The following COL5A1 variants were observed in gnomAD, a reference collection of about 807,000 sequenced individuals.
COL5A1 encodes collagen type V alpha 1 chain.
Under a neutral mutation model 263.7 loss-of-function variants are expected in COL5A1, and 16 were observed. That is an observed-to-expected ratio of 0.06 (90% confidence interval 0.04 to 0.09). The LOEUF is 0.09. COL5A1 is among the 10% of genes least tolerant of loss of function. The pLI is 1.00. For synonymous variants in COL5A1, 1,012 were observed against 1,004.5 expected (o/e 1.01, Z -0.14); for missense variants, 2,036 against 2,540.5 (o/e 0.80, Z 4.27).
intron 59 of COL5A1, 80 bp from the exon 60 acceptor site, chr9:134,822,918 C>T: frequency 6.5e-7 from 1 of 1,542,580 alleles, no homozygotes; most frequent in Non-Finnish European, 8.9e-7. Flanking sequence ...GGGGCGAGAC[C>T]AGGCTGGGCA....
intron 27 of COL5A1, among the ~76,000 whole-genome samples, chr9:134,775,753 G>T (rs946321617): frequency 5.3e-5 from 8 of 152,248 alleles, no homozygotes; most frequent in African/African-American, 1.9e-4. Flanking sequence ...GAAGGAATAT[G>T]TGTGTATATA....
intron 64 of COL5A1, 77 bp downstream of exon 64, chr9:134,830,121 G>C: frequency 6.2e-7 from 1 of 1,612,620 alleles, no homozygotes. Context: ...AAAATGGCCC[G>C]CTGGCCCAAA....
intron 18 of COL5A1, among the ~76,000 whole-genome samples, chr9:134,759,709 CA>C (rs1836202715): frequency 1.1e-5 from 1 of 93,456 alleles, no homozygotes; most frequent in Non-Finnish European, 1.9e-5. Context: ...CACACATGCA[CA>C]CACCCCCCCA....
intron 30 of COL5A1, among the ~76,000 whole-genome samples, chr9:134,785,335 G>A (rs1363274229): frequency 2.0e-5 from 3 of 152,178 alleles, no homozygotes; most frequent in Non-Finnish European, 4.4e-5. Context: ...GCCTTGGAAG[G>A]CTCCTTCCTC....
At chr9:134,809,034 C>G in intron 42 of COL5A1, 149 bp from the exon 43 acceptor site, 2 of 746,560 alleles carry the variant, frequency 2.7e-6, no homozygotes, top group Admixed American at 2.0e-5. Context: ...CCTCAGTGGC[C>G]CTGGCTGAAA....
At chr9:134,751,527 G>A (rs907929642) in intron 13 of COL5A1, among the ~76,000 whole-genome samples, 6 of 152,206 alleles carry the variant, frequency 3.9e-5, no homozygotes, top group Non-Finnish European at 1.5e-5. Context: ...TCAGCCTGGG[G>A]GGTCCTAAGG....
chr9:134,774,724 T>G (rs1836990382), intron 26 of COL5A1, 135 bp from the exon 27 acceptor site: 1 of 889,996 alleles, frequency 1.1e-6, no homozygotes, highest in Admixed American at 2.0e-5. Context: ...ACGGGGGGCC[T>G]CTCTGGAGGC....
chr9:134,666,424 G>C (rs969190374), intron 1 of COL5A1, among the ~76,000 whole-genome samples: 12 of 152,224 alleles, frequency 7.9e-5, no homozygotes, highest in Non-Finnish European at 1.5e-4. Context: ...CCTCAGGCGA[G>C]TCTGTCCAGA....
chr9:134,818,428 G>A lies in COL5A1; in HGVS notation c.4231-228G>A, dbSNP rs77174824. Among the ~76,000 whole-genome samples the A allele has an allele frequency of 0.034, 5,173 of 152,296 alleles. 137 individuals carry two copies. The highest frequency in any genetic ancestry group is 0.054 in the Middle Eastern group (16 of 294). ...CGCTGTGACACCCGGTCTGTGGTCG[G>A]CGCAGTCAGCGGAGACGGGATCCCT... On this transcript the variant is annotated intron_variant, in intron 54 of 65. Coordinates refer to ENST00000371817, the MANE Select transcript of COL5A1 (RefSeq NM_000093.5). The surrounding 1 kb of genome is among the most constrained non-coding windows in gnomAD (Gnocchi z 6.0).
At position 134,814,843 on chromosome 9, in the gene COL5A1, G is replaced by T. The variant is rs1838679195; in HGVS notation, c.3953G>T (p.Gly1318Val). The part of the protein sequence containing the change: ...RGEKGESGPS[G>V]AAGPPGPKGP... ...GAGAAGGGCGAGTCAGGCCCTTCAGGTGCTGCCGGACCCCCTGGACCCAAA... is the reference window on the plus strand; with the variant it reads ...GAGAAGGGCGAGTCAGGCCCTTCAGTTGCTGCCGGACCCCCTGGACCCAAA... Residue 1318 changes from glycine (G) to valine (V), a missense_variant, in exon 50 of 66, where the codon GGT (glycine) becomes GTT (valine). This residue lies in a region of COL5A1 where 1,078 missense variants were observed against 1,521.4 expected (regional missense o/e 0.71). Transcript: ENST00000371817. 6.4e-6 allele frequency: 10 copies of T among 1,551,852 alleles called. No homozygotes were observed. The highest frequency in any genetic ancestry group is 8.7e-6 in the Non-Finnish European group (10 of 1,147,272).
intron 1 of COL5A1, among the ~76,000 whole-genome samples, chr9:134,687,524 G>T (rs1386982301): frequency 1.3e-5 from 2 of 152,100 alleles, no homozygotes; most frequent in Non-Finnish European, 2.9e-5. Context: ...TGACCCCATA[G>T]GTGATCCGGT....
In COL5A1 at chr9:134,642,243, TGCTGCCCCC is replaced by T; in HGVS notation, c.62_70del (p.Pro21_Leu23del). The T allele has an allele frequency of 7.8e-7, 1 of 1,287,192 alleles. No homozygotes were observed. Among genetic ancestry groups the T allele is most frequent in the South Asian group, 2.4e-5 (1 of 42,522 alleles). 79.7% of individuals were successfully genotyped at this position (1,287,192 alleles called of 1,614,324 possible). On this transcript the variant is annotated inframe_deletion, in exon 1 of 66. Coordinates refer to ENST00000371817, the MANE Select transcript of COL5A1 (RefSeq NM_000093.5). This position sits in a 1 kb window ranked among gnomAD's most constrained non-coding sequence, Gnocchi z 4.5. ...AGCGCGCTCCGCCCGGGCGCCCCGC[TGCTGCCCCC>T]GCTGCTGCTGCTGCTGCTGTGGGCG...
Position 134,716,597 on chromosome 9 carries a change from G to A in COL5A1, c.655-10669G>A, listed in dbSNP as rs910739222. On this transcript the variant is annotated intron_variant, in intron 4 of 65. Transcript: ENST00000371817. This position sits in a 1 kb window ranked among gnomAD's most constrained non-coding sequence, Gnocchi z 4.5. ...TTGGAGAGAGCAAGTCTTTGAGGAGGTGGACCTGCCCCCCAGCCCCTGCCA... is the reference window on the plus strand; with the variant it reads ...TTGGAGAGAGCAAGTCTTTGAGGAGATGGACCTGCCCCCCAGCCCCTGCCA... 1.3e-5 allele frequency among the ~76,000 whole-genome samples: 2 copies of A among 152,172 alleles called. No individual in the cohort carries two copies. The highest frequency in any genetic ancestry group is 4.8e-5 in the African/African-American group (2 of 41,440).
intron 2 of COL5A1, among the ~76,000 whole-genome samples, chr9:134,693,719 C>T (rs536911444): frequency 6.6e-6 from 1 of 152,356 alleles, no homozygotes; most frequent in South Asian, 2.1e-4. Context: ...AAACTCGCCA[C>T]CTGTCCTCTG....
At chr9:134,828,966 T>C (rs116127196) in intron 63 of COL5A1, among the ~76,000 whole-genome samples, 2,011 of 151,484 alleles carry the variant, frequency 0.013, 43 homozygotes, top group African/African-American at 0.046. Flanking sequence ...ACCATACCCT[T>C]CACACAGACA....
rs529979826 is a variant in COL5A1, at chr9:134,837,751, C to T, written c.5370+2547C>T. Reference sequence around the variant, plus strand: ...TGGTTTGCAAGACATTCCACTTTGCCAGTCTCGGGTGTGCCAAACGCCTCC... The same window carrying T: ...TGGTTTGCAAGACATTCCACTTTGCTAGTCTCGGGTGTGCCAAACGCCTCC... On this transcript the variant is annotated intron_variant, in intron 65 of 65. Transcript: ENST00000371817. 2.6e-5 allele frequency among the ~76,000 whole-genome samples: 4 copies of T among 152,086 alleles called. No individual in the cohort carries two copies. The South Asian group carries it at 8.3e-4, about 32-fold the overall frequency.
At position 134,815,951 on chromosome 9, in the gene COL5A1, C is replaced by T. The variant is rs1170899907; in HGVS notation, c.4085C>T (p.Pro1362Leu). The T allele has an allele frequency of 2.5e-6, 4 of 1,614,130 alleles. No individual in the cohort carries two copies. The highest frequency in any genetic ancestry group is 3.4e-6 in the Non-Finnish European group (4 of 1,180,034). ...EPGPAGQDGPPGDKGDDGEPG... is the reference protein window; with the variant it reads ...EPGPAGQDGPLGDKGDDGEPG... The stretch of plus-strand genomic sequence containing the variant: ...CCTCCATAGGGTCAAGATGGTCCCC[C>T]TGGTGACAAAGGAGATGATGGTGAA... The change falls in exon 52 of 66, where the codon CCT (proline) becomes CTT (leucine). Residue 1362 changes from proline to leucine, a missense_variant. Coordinates refer to ENST00000371817, the MANE Select transcript of COL5A1 (RefSeq NM_000093.5).
At chr9:134,771,259 C>T (rs946106463) in intron 25 of COL5A1, among the ~76,000 whole-genome samples, 9 of 152,228 alleles carry the variant, frequency 5.9e-5, no homozygotes, top group African/African-American at 2.2e-4. Flanking sequence ...GTGTCTGTGG[C>T]TGATAGAAAG....
rs1267544496 is a variant in COL5A1, at chr9:134,841,922, C to CA, written c.5371-234dup. 6.6e-6 allele frequency among the ~76,000 whole-genome samples: 1 copy of CA among 152,148 alleles called. No individual in the cohort carries two copies. The highest frequency in any genetic ancestry group is 1.5e-5 in the Non-Finnish European group (1 of 68,034). ...AGGGTCCTGTCGCCTCGCTGATGCCCACACCACCCCACCTCCGACCTGTGC... is the reference window on the plus strand; with the variant it reads ...AGGGTCCTGTCGCCTCGCTGATGCCCAACACCACCCCACCTCCGACCTGTGC... On this transcript the variant is annotated intron_variant, in intron 65 of 65. Coordinates refer to ENST00000371817, the MANE Select transcript of COL5A1 (RefSeq NM_000093.5). This position sits in a 1 kb window ranked among gnomAD's most constrained non-coding sequence, Gnocchi z 4.8.
Sources: allele counts gnomAD v4.1 joint callset (sites outside exome capture counted in the v4.1 genomes callset), GRCh38; gene constraint gnomAD v4.1.1; regional missense constraint gnomAD v4.1.1; non-coding constraint Gnocchi (gnomAD v3.1); transcripts MANE v1.5; gene names NCBI Gene and HGNC (gene_info 2026-07-23, HGNC 2026-07-21).